The following SH3KBP1 variants were observed in gnomAD, a reference collection of about 807,000 sequenced individuals.
SH3KBP1 encodes the protein SH3 domain-containing kinase-binding protein 1.
Under a neutral mutation model 50.1 loss-of-function variants are expected in SH3KBP1, and 8 were observed. The ratio of observed to expected loss-of-function variants is 0.16; its 90% CI spans 0.09 to 0.29. SH3KBP1 has a LOEUF of 0.29. Ranked by LOEUF, SH3KBP1 falls within the 10% of genes least tolerant of loss-of-function variation. SH3KBP1 has a pLI of 1.00. For synonymous variants in SH3KBP1, 227 were observed against 218.6 expected, an observed-to-expected ratio of 1.04 and a Z score of -0.34; for missense variants, 377 against 535.2, an observed-to-expected ratio of 0.70 and a Z score of 2.92.
chrX:19,541,796 G>A, intron 16 of SH3KBP1, 129 bp downstream of exon 16: 1 of 730,801 alleles, frequency 1.4e-6, no homozygotes, highest in Non-Finnish European at 2.0e-6. Flanking sequence ...TCCCACCATT[G>A]CTGCCACCAT....
chrX:19,580,399 C>T (rs1210400065), intron 12 of SH3KBP1, among the ~76,000 whole-genome samples: 1 of 111,430 alleles, frequency 9.0e-6, no homozygotes, highest in Non-Finnish European at 1.9e-5. Flanking sequence ...CTTGCCCATT[C>T]TCTCTTCAAC....
intron 2 of SH3KBP1, among the ~76,000 whole-genome samples, chrX:19,764,989 T>C (rs2065556478): frequency 1.2e-5 from 1 of 85,950 alleles, no homozygotes; most frequent in African/African-American, 4.4e-5. Context: ...TGCAGTTCTT[T>C]TTTTTTTTTT....
intron 8 of SH3KBP1, among the ~76,000 whole-genome samples, chrX:19,628,868 G>A (rs1392810873): frequency 9.0e-6 from 1 of 111,113 alleles, no homozygotes; most frequent in Non-Finnish European, 1.9e-5. Flanking sequence ...AGGCTGAGGC[G>A]CGTGGATCAC....
At chrX:19,607,729 C>G (rs761355915) in intron 9 of SH3KBP1, among the ~76,000 whole-genome samples, 1 of 112,177 alleles carries the variant, frequency 8.9e-6, no homozygotes, top group South Asian at 3.7e-4. Flanking sequence ...ATGTATGCAA[C>G]AACCGCAGAG....
chrX:19,619,306 C>G, intron 8 of SH3KBP1, among the ~76,000 whole-genome samples: 1 of 111,325 alleles, frequency 9.0e-6, no homozygotes, highest in Middle Eastern at 4.6e-3. Context: ...AAAACAAAAA[C>G]CAAAAAACAG....
intron 2 of SH3KBP1, among the ~76,000 whole-genome samples, chrX:19,748,750 C>T (rs1051029705): frequency 9.0e-6 from 1 of 110,739 alleles, no homozygotes; most frequent in African/African-American, 3.3e-5. Context: ...AATGCAGCCC[C>T]ACCCAAAGCC....
At chrX:19,812,275 C>T (rs1018170412) in intron 2 of SH3KBP1, among the ~76,000 whole-genome samples, 1 of 111,279 alleles carries the variant, frequency 9.0e-6, no homozygotes, top group African/African-American at 3.3e-5. Flanking sequence ...CCACAAATAA[C>T]TGTGTGTTTG....
chrX:19,866,692 T>A (rs764427096), intron 1 of SH3KBP1, among the ~76,000 whole-genome samples: 1 of 95,330 alleles, frequency 1.0e-5, no homozygotes, highest in Non-Finnish European at 2.1e-5. Context: ...CCTGTCTCTT[T>A]AAAAAAAAAA....
intron 6 of SH3KBP1, among the ~76,000 whole-genome samples, chrX:19,660,491 G>A (rs2062419062): frequency 1.8e-5 from 2 of 111,705 alleles, no homozygotes. Context: ...AATGGAAAGA[G>A]AAGGAAAGCA....
chrX:19,617,741 T>G (rs1393934446), intron 8 of SH3KBP1, among the ~76,000 whole-genome samples: 1 of 111,716 alleles, frequency 9.0e-6, no homozygotes, highest in Non-Finnish European at 1.9e-5. Context: ...GGCCAAAGGT[T>G]GTTGAAGGCC....
chrX:19,858,191 A>G (rs948457733), intron 1 of SH3KBP1, among the ~76,000 whole-genome samples: 2 of 111,625 alleles, frequency 1.8e-5, no homozygotes, highest in African/African-American at 6.5e-5. Context: ...AAAATAAAAT[A>G]AAAATAAAAT....
chrX:19,558,676 T>C (rs1354233029), intron 13 of SH3KBP1, among the ~76,000 whole-genome samples: 8 of 112,261 alleles, frequency 7.1e-5, no homozygotes, highest in African/African-American at 9.7e-5. Flanking sequence ...AAAACATGTA[T>C]AGAAATTGAA....
chrX:19,721,729 C>A (rs1261232202), intron 3 of SH3KBP1, among the ~76,000 whole-genome samples: 1 of 111,469 alleles, frequency 9.0e-6, no homozygotes, highest in African/African-American at 3.3e-5. Flanking sequence ...CTGGGTGCAG[C>A]GGCTCACACC....
At chrX:19,857,956 A>G (rs898626537) in intron 1 of SH3KBP1, among the ~76,000 whole-genome samples, 4 of 111,029 alleles carry the variant, frequency 3.6e-5, no homozygotes, top group African/African-American at 1.3e-4. Context: ...AGGCGGGTGG[A>G]TCACTTGAGG....
chrX:19,615,754 C>T (rs749292482), intron 8 of SH3KBP1, among the ~76,000 whole-genome samples: 1 of 111,596 alleles, frequency 9.0e-6, no homozygotes, highest in Non-Finnish European at 1.9e-5. Flanking sequence ...GAAGAAAAAA[C>T]GAGGACTACA....
At chrX:19,563,929 C>T (rs745370268) in intron 13 of SH3KBP1, among the ~76,000 whole-genome samples, 1 of 111,341 alleles carries the variant, frequency 9.0e-6, no homozygotes, top group South Asian at 3.9e-4. Flanking sequence ...GTTGTTCACA[C>T]ACACGCTCAG....
intron 3 of SH3KBP1, among the ~76,000 whole-genome samples, chrX:19,713,010 G>A (rs1365553636): frequency 5.4e-5 from 6 of 110,410 alleles, no homozygotes; most frequent in Non-Finnish European, 7.6e-5. Flanking sequence ...GATCACCTGA[G>A]GCCAGGAGTT....
intron 3 of SH3KBP1, among the ~76,000 whole-genome samples, chrX:19,716,514 T>G (rs1201406233): frequency 8.9e-6 from 1 of 112,006 alleles, no homozygotes; most frequent in Admixed American, 9.5e-5. Context: ...GCTCATTTTC[T>G]CCCAAGTCTT....
At chrX:19,707,451 C>T (rs1220181404) in intron 3 of SH3KBP1, among the ~76,000 whole-genome samples, 1 of 111,703 alleles carries the variant, frequency 9.0e-6, no homozygotes, top group Non-Finnish European at 1.9e-5. Context: ...TCTTACTAAT[C>T]GTCACCCTTT....
Sources: allele counts gnomAD v4.1 joint callset (sites outside exome capture counted in the v4.1 genomes callset), GRCh38; gene constraint gnomAD v4.1.1; transcripts MANE v1.5; gene names NCBI Gene and HGNC (gene_info 2026-07-23, HGNC 2026-07-21).